Variants in ATRN observed in about 807,000 individuals in gnomAD.
ATRN encodes attractin-2.
In ATRN, 54 loss-of-function variants were observed where a neutral mutation model predicts 178.7. The observed-to-expected ratio is 0.30, with a 90% CI of 0.24 to 0.38. The LOEUF (loss-of-function observed/expected upper bound fraction) is 0.38, where lower values mean the gene tolerates loss of function less well. Among genes scored for constraint, ATRN ranks in the 10% least tolerant of loss-of-function variants. The pLI, the probability that ATRN is intolerant of heterozygous loss-of-function variation, is 1.00. For missense variants in ATRN, 1,443 were observed against 1,815.1 expected (o/e 0.79, Z 3.73); for synonymous variants, 636 against 663.0 (o/e 0.96, Z 0.63).
intron 25 of ATRN, among the ~76,000 whole-genome samples, chr20:3,627,787 G>C (rs1474381905): frequency 6.6e-6 from 1 of 152,212 alleles, no homozygotes; most frequent in Non-Finnish European, 1.5e-5. Context: ...GAAGTAAGGA[G>C]CCTGAATAGT....
intron 3 of ATRN, among the ~76,000 whole-genome samples, chr20:3,544,826 G>GTTTTTTTTT (rs11481668): frequency 2.2e-5 from 3 of 138,640 alleles, no homozygotes. Flanking sequence ...ACTCAGTAAG[G>GTTTTTTTTT]TTTTTTTTTT....
At position 3,540,287 on chromosome 20, in the gene ATRN, A is replaced by G; in HGVS notation, c.560A>G (p.Tyr187Cys). Residue 187 changes from tyrosine (Y) to cysteine (C), a missense_variant, in exon 3 of 29, where the codon TAT becomes TGT. Coordinates refer to ENST00000262919, the MANE Select transcript of ATRN (RefSeq NM_139321.3). ...FATECSWDHL[Y>C]VYDGDSIYAP... ...ACAGAGTGTAGTTGGGACCATTTAT[A>G]TGTTTATGATGGGGACTCAATTTAT... 6.2e-7 allele frequency: 1 copy of G among 1,611,490 alleles called. No homozygotes were observed.
intron 25 of ATRN, among the ~76,000 whole-genome samples, chr20:3,628,403 T>G (rs2086961437): frequency 6.6e-6 from 1 of 152,198 alleles, no homozygotes; most frequent in Non-Finnish European, 1.5e-5. Context: ...TTCCACAGTT[T>G]CAATTACTCA....
At chr20:3,549,415 T>G in intron 6 of ATRN, 77 bp downstream of exon 6, 1 of 1,270,318 alleles carries the variant, frequency 7.9e-7, no homozygotes, top group East Asian at 2.7e-5. Flanking sequence ...TAAGCAAAAA[T>G]AAATCACCAG....
intron 17 of ATRN, 123 bp downstream of exon 17, chr20:3,584,206 C>A: frequency 9.5e-7 from 1 of 1,057,068 alleles, no homozygotes; most frequent in Non-Finnish European, 1.4e-6. Context: ...GACCTCTGCT[C>A]AAACCTGACC....
At chr20:3,641,590 C>CAAAAAAAAA (rs61692220) in intron 27 of ATRN, among the ~76,000 whole-genome samples, 3 of 47,816 alleles carry the variant, frequency 6.3e-5, no homozygotes, top group African/African-American at 2.0e-4. Context: ...GACTCTGTCG[C>CAAAAAAAAA]AAAAAAAAAA....
At chr20:3,559,566 C>T in intron 7 of ATRN, 83 bp downstream of exon 7, 1 of 1,162,520 alleles carries the variant, frequency 8.6e-7, no homozygotes, top group South Asian at 1.4e-5. Context: ...AAAGCTACCT[C>T]AGTGTTGGTT....
intron 22 of ATRN, 66 bp downstream of exon 22, chr20:3,598,066 G>A (rs917481507): frequency 1.4e-5 from 15 of 1,052,800 alleles, no homozygotes; most frequent in Middle Eastern, 2.0e-4. Flanking sequence ...TGGTCATTAC[G>A]GATGGACGTA....
intron 1 of ATRN, among the ~76,000 whole-genome samples, chr20:3,512,879 C>T (rs1428185221): frequency 5.3e-5 from 8 of 152,044 alleles, no homozygotes; most frequent in East Asian, 1.9e-4. Context: ...CATTTTTTCA[C>T]GTGTCTGTTG....
At chr20:3,629,161 C>T (rs1050019508) in intron 25 of ATRN, 35 of 985,292 alleles carry the variant, frequency 3.6e-5, no homozygotes, top group Non-Finnish European at 4.1e-5. Context: ...CCTAGCATCA[C>T]AGTCTCGCCT....
chr20:3,639,282 T>A (rs2087049056), intron 27 of ATRN, among the ~76,000 whole-genome samples: 2 of 152,100 alleles, frequency 1.3e-5, no homozygotes, highest in South Asian at 4.1e-4. Flanking sequence ...TGAGACAGAG[T>A]CTTACTGTGT....
Position 3,471,229 on chromosome 20 carries a change from C to A in ATRN, c.122C>A (p.Pro41Gln). Reference sequence around the variant, plus strand: ...TGGGACGTGACCAGGGCTGGGAGGCCGGGGCTGGGGGCCGGGCTGCGCCTC... The same window carrying A: ...TGGGACGTGACCAGGGCTGGGAGGCAGGGGCTGGGGGCCGGGCTGCGCCTC... ...WDWDVTRAGR[P>Q]GLGAGLRLPR... is the part of the protein sequence containing the mutation. The change falls in exon 1 of 29, where the codon CCG (proline) becomes CAG (glutamine). Residue 41 changes from proline (P) to glutamine (Q), a missense_variant. Pro to Gln is a moderately conservative substitution (Grantham distance 76). Transcript: ENST00000262919. The A allele has an allele frequency of 6.8e-7, 1 of 1,460,588 alleles. No individual in the cohort carries two copies. The highest frequency in any genetic ancestry group is 9.0e-7 in the Non-Finnish European group (1 of 1,115,026). The allele number at this position is 1,460,588 out of a possible 1,614,324, so 90.5% of individuals were successfully genotyped here.
chr20:3,495,552 C>T (rs1256937438), intron 1 of ATRN, among the ~76,000 whole-genome samples: 1 of 152,036 alleles, frequency 6.6e-6, no homozygotes, highest in African/African-American at 2.4e-5. Flanking sequence ...AGAATACCAG[C>T]AGGTTAGCGA....
At chr20:3,535,130 T>A (rs1202509600) in intron 1 of ATRN, 123 bp from the exon 2 acceptor site, 12 of 302,116 alleles carry the variant, frequency 4.0e-5, no homozygotes. Context: ...ATGTACCCAT[T>A]ATGTTTAATT....
intron 1 of ATRN, among the ~76,000 whole-genome samples, chr20:3,486,841 A>G (rs1271545972): frequency 2.0e-5 from 3 of 152,082 alleles, no homozygotes; most frequent in African/African-American, 7.2e-5. Flanking sequence ...TGCATTCTTT[A>G]TCTGAGGATT....
At chr20:3,571,465 T>G (rs1568736787) in intron 11 of ATRN, among the ~76,000 whole-genome samples, 2 of 152,158 alleles carry the variant, frequency 1.3e-5, no homozygotes, top group Non-Finnish European at 2.9e-5. Context: ...GCCAAATCCC[T>G]CTGTAGGCTG....
intron 11 of ATRN, among the ~76,000 whole-genome samples, chr20:3,568,394 T>C (rs779547816): frequency 4.6e-5 from 7 of 151,834 alleles, no homozygotes; most frequent in Non-Finnish European, 1.0e-4. Flanking sequence ...ATGCCTGTTA[T>C]CCCAGCACTT....
At chr20:3,485,106 A>T (rs2084672452) in intron 1 of ATRN, among the ~76,000 whole-genome samples, 1 of 151,992 alleles carries the variant, frequency 6.6e-6, no homozygotes, top group Non-Finnish European at 1.5e-5. Flanking sequence ...TTTGTACCAG[A>T]GGCTGGCTGA....
intron 24 of ATRN, among the ~76,000 whole-genome samples, chr20:3,605,444 A>G (rs2086664352): frequency 6.6e-6 from 1 of 152,252 alleles, no homozygotes; most frequent in Non-Finnish European, 1.5e-5. Context: ...TGTAACAAAG[A>G]TACATGCACA....
Sources: gnomAD v4.1 joint callset for allele counts (sites outside exome capture counted in the v4.1 genomes callset) on GRCh38, gnomAD v4.1.1 for gene constraint, MANE v1.5 for transcripts, NCBI Gene and HGNC (gene_info 2026-07-23, HGNC 2026-07-21) for gene names.